CNTN5: variants seen among roughly 807,000 people sequenced by gnomAD.
The protein encoded by CNTN5 is contactin-5.
CNTN5 carries 77 observed loss-of-function variants against 129.1 expected under a neutral mutation model. The ratio of observed to expected loss-of-function variants is 0.60; its 90% confidence interval spans 0.50 to 0.72. The LOEUF is 0.72. CNTN5 is among the 30% of genes least tolerant of loss of function. The probability of loss-of-function intolerance (pLI) is 0.00; values close to 1 mark genes in which losing one functional copy is unlikely to be tolerated. For synonymous variants in CNTN5, 509 were observed against 465.6 expected (o/e 1.09, Z -1.20); for missense variants, 1,478 against 1,328.8 (o/e 1.11, Z -1.75).
intron 2 of CNTN5, among the ~76,000 whole-genome samples, chr11:99,456,513 G>A (rs958171661): frequency 3.3e-5 from 5 of 152,002 alleles, no homozygotes; most frequent in African/African-American, 1.2e-4. Flanking sequence ...CAATCTCCAG[G>A]ACTAAACTGT....
rs148861871 is a variant in CNTN5 at position 100,358,407 on chromosome 11, T to C, written c.*2187T>C. ...TGTATTCTTACAGGAATCAGAGATATGGAATGTTTTTACTTAACATACACA... is the reference window on the plus strand; with the variant it reads ...TGTATTCTTACAGGAATCAGAGATACGGAATGTTTTTACTTAACATACACA... On this transcript the variant is annotated 3_prime_UTR_variant, in exon 25 of 25. Transcript: ENST00000524871. 14 of 151,984 alleles carry C rather than the reference T, an allele frequency of 9.2e-5. No individual in the cohort carries two copies. In the East Asian group the frequency reaches 2.7e-3, roughly 29 times the overall value. 9.4% of individuals were successfully genotyped at this position (151,984 alleles called of 1,614,324 possible).
intron 23 of CNTN5, among the ~76,000 whole-genome samples, chr11:100,342,049 G>A (rs981107176): frequency 2.0e-5 from 3 of 151,586 alleles, no homozygotes; most frequent in Admixed American, 6.6e-5. Context: ...AAAATTTAAG[G>A]AGCTAAAAAC....
chr11:99,768,950 C>G (rs1944851833), intron 3 of CNTN5, among the ~76,000 whole-genome samples: 1 of 152,070 alleles, frequency 6.6e-6, no homozygotes, highest in Admixed American at 6.6e-5. Context: ...CTATAGAACA[C>G]AAAATAAAAA....
chr11:100,289,114 T>A (rs1950882269), intron 18 of CNTN5, among the ~76,000 whole-genome samples: 1 of 152,008 alleles, frequency 6.6e-6, no homozygotes, highest in African/African-American at 2.4e-5. Flanking sequence ...GTGGCAATAA[T>A]CAATAGTTTA....
intron 13 of CNTN5, among the ~76,000 whole-genome samples, chr11:100,160,264 G>T (rs1947402322): frequency 6.6e-6 from 1 of 151,850 alleles, no homozygotes; most frequent in South Asian, 2.1e-4. Flanking sequence ...ACTTTTTTAT[G>T]GCTGCATAGT....
Position 99,899,837 on chromosome 11 carries a change from T to G in CNTN5, c.578-16217T>G, listed in dbSNP as rs151212334. On this transcript the variant is annotated intron_variant, in intron 6 of 24. Coordinates refer to ENST00000524871, the MANE Select transcript of CNTN5 (RefSeq NM_014361.4). ...TTTTCTTTGTACATCTGGTAAAATT[T>G]GGCTTTGAATTCATGTGGTACTAGG... is the stretch of plus-strand genomic sequence containing the variant. Among the ~76,000 whole-genome samples the G allele has an allele frequency of 3.5e-4, 54 of 152,148 alleles. No homozygotes were observed. In the East Asian group the frequency reaches 0.01, roughly 28 times the overall value.
chr11:99,992,839 A>C (rs1303959161), intron 8 of CNTN5, among the ~76,000 whole-genome samples: 1 of 152,220 alleles, frequency 6.6e-6, no homozygotes, highest in Non-Finnish European at 1.5e-5. Context: ...GTTTATGAGA[A>C]ATTAGGGTAA....
At chr11:100,236,620 A>G (rs1420513854) in intron 16 of CNTN5, among the ~76,000 whole-genome samples, 2 of 152,070 alleles carry the variant, frequency 1.3e-5, no homozygotes, top group East Asian at 3.9e-4. Context: ...GCCACAGCCA[A>G]TATCTGGCTT....
chr11:99,429,212 T>TCTG (rs35321991), intron 2 of CNTN5, among the ~76,000 whole-genome samples: 149,715 of 152,214 alleles, frequency 0.98, 73,682 homozygotes, highest in East Asian at 1. Context: ...GCTTAAAGTT[T>TCTG]TTTTTCTGAT....
intron 1 of CNTN5, among the ~76,000 whole-genome samples, chr11:99,044,858 T>G (rs1229101913): frequency 6.6e-6 from 1 of 152,166 alleles, no homozygotes; most frequent in East Asian, 1.9e-4. Flanking sequence ...CTATCAATGT[T>G]ATTAGGAGAG....
chr11:99,430,405 A>C (rs1943314598), intron 2 of CNTN5, among the ~76,000 whole-genome samples: 1 of 150,876 alleles, frequency 6.6e-6, no homozygotes, highest in South Asian at 2.1e-4. Context: ...ATACATATAC[A>C]CATATATAAA....
intron 2 of CNTN5, among the ~76,000 whole-genome samples, chr11:99,377,687 T>C (rs1591596337): frequency 6.6e-6 from 1 of 152,140 alleles, no homozygotes; most frequent in African/African-American, 2.4e-5. Flanking sequence ...GTAATAACTG[T>C]AGTGCTACAT....
chr11:100,115,127 A>G (rs1418082880), intron 13 of CNTN5, among the ~76,000 whole-genome samples: 3 of 150,624 alleles, frequency 2.0e-5, no homozygotes, highest in South Asian at 2.1e-4. Context: ...AAAAAAAAAA[A>G]AAAAAAAAAA....
rs1394316710 is a variant in CNTN5, at chr11:100,193,515, A to T, written c.1736A>T (p.Lys579Ile). ...CCTACAAGGATAGAACTTACTCCTA[A>T]AAGAACAGAATTGACAGTGGGAGAA... is the stretch of plus-strand genomic sequence containing the variant. ...KEPTRIELTP[K>I]RTELTVGESI... Residue 579 changes from lysine to isoleucine, a missense_variant, in exon 15 of 25, where the codon AAA becomes ATA. Physicochemically the swap from Lys to Ile is moderately radical, Grantham distance 102. Transcript: ENST00000524871. The T allele has an allele frequency of 6.2e-7, 1 of 1,604,386 alleles. No homozygotes were observed. The highest frequency in any genetic ancestry group is 1.3e-5 in the African/African-American group (1 of 74,518).
chr11:99,683,509 G>T (rs1284840602), intron 3 of CNTN5, among the ~76,000 whole-genome samples: 3 of 151,768 alleles, frequency 2.0e-5, no homozygotes, highest in Non-Finnish European at 4.4e-5. Context: ...ATATCGTTGT[G>T]CCAATATCAT....
intron 2 of CNTN5, among the ~76,000 whole-genome samples, chr11:99,342,598 A>C (rs201178905): frequency 2.1e-4 from 27 of 128,660 alleles, no homozygotes; most frequent in East Asian, 2.1e-3. Flanking sequence ...AAAAAAAAAA[A>C]AAAAGCAGGG....
intron 13 of CNTN5, among the ~76,000 whole-genome samples, chr11:100,177,398 C>G (rs1339752096): frequency 2.0e-5 from 3 of 152,108 alleles, no homozygotes; most frequent in South Asian, 2.1e-4. Context: ...CTCTTCCTTT[C>G]ACACTGTGGT....
chr11:99,827,335 C>T (rs181728929), intron 4 of CNTN5, among the ~76,000 whole-genome samples: 4 of 152,272 alleles, frequency 2.6e-5, no homozygotes, highest in African/African-American at 4.8e-5. Flanking sequence ...GCGATCCACG[C>T]ACCTTGACCT....
At chr11:99,695,393 G>A (rs1215197527) in intron 3 of CNTN5, among the ~76,000 whole-genome samples, 2 of 152,086 alleles carry the variant, frequency 1.3e-5, no homozygotes, top group African/African-American at 2.4e-5. Context: ...AGATCCATGT[G>A]AAGATAGACA....
Sources: gnomAD v4.1 joint callset for allele counts (sites outside exome capture counted in the v4.1 genomes callset) on GRCh38, gnomAD v4.1.1 for gene constraint, MANE v1.5 for transcripts, NCBI Gene and HGNC (gene_info 2026-07-23, HGNC 2026-07-21) for gene names.